The following CTNND2 variants were observed in gnomAD, a reference collection of about 807,000 sequenced individuals.
The protein encoded by CTNND2 is catenin delta-2.
Under a neutral mutation model 144.4 loss-of-function variants are expected in CTNND2, and 22 were observed. That is an observed-to-expected ratio of 0.15 (90% CI 0.11 to 0.22). CTNND2 has a LOEUF of 0.22. CTNND2 is among the 10% of genes least tolerant of loss of function. The pLI, the probability that CTNND2 is intolerant of heterozygous loss-of-function variation, is 1.00. For missense variants in CTNND2, 1,353 were observed against 1,618.8 expected (o/e 0.84, Z 2.82); for synonymous variants, 751 against 695.6 (o/e 1.08, Z -1.25).
chr5:11,435,448 C>G (rs1763686489), intron 3 of CTNND2, among the ~76,000 whole-genome samples: 2 of 152,038 alleles, frequency 1.3e-5, no homozygotes, highest in African/African-American at 4.8e-5. Flanking sequence ...CGCCGTTTGA[C>G]AAACGTTTTC....
intron 9 of CTNND2, among the ~76,000 whole-genome samples, chr5:11,260,465 T>A (rs774329955): frequency 3.9e-5 from 6 of 152,132 alleles, no homozygotes; most frequent in Non-Finnish European, 8.8e-5. Context: ...TTTTACAATA[T>A]CAAAATATTT....
intron 3 of CTNND2, among the ~76,000 whole-genome samples, chr5:11,482,235 C>A (rs1768345669): frequency 6.6e-6 from 1 of 152,072 alleles, no homozygotes; most frequent in African/African-American, 2.4e-5. Context: ...TCTGGCAGCT[C>A]CCCAGTCTGG....
chr5:11,519,872 C>T (rs1212114549), intron 3 of CTNND2, among the ~76,000 whole-genome samples: 1 of 151,906 alleles, frequency 6.6e-6, no homozygotes, highest in Non-Finnish European at 1.5e-5. Flanking sequence ...GGCATGGTGG[C>T]TCATGCCTAT....
intron 2 of CTNND2, among the ~76,000 whole-genome samples, chr5:11,634,352 G>A (rs952197631): frequency 1.1e-4 from 17 of 152,088 alleles, no homozygotes; most frequent in African/African-American, 3.1e-4. Context: ...ATTCTCTTGG[G>A]GATTCACAGT....
In CTNND2 at chr5:11,702,609, C is replaced by T. The variant is rs745570065; in HGVS notation, c.174+29527G>A. ...GAATTGCAAAGACAATTACAAGTCA[C>T]TGACTCCAAGCCACTCTCCAGCACA... On this transcript the variant is annotated intron_variant, in intron 2 of 21. Transcript: ENST00000304623. 2.9e-4 allele frequency among the ~76,000 whole-genome samples: 44 copies of T among 152,184 alleles called. 2 individuals are homozygous for T. Among genetic ancestry groups the T allele is most frequent in the Non-Finnish European group, 3.1e-4 (21 of 68,036 alleles).
intron 12 of CTNND2, among the ~76,000 whole-genome samples, chr5:11,128,592 C>T (rs1461700107): frequency 1.3e-5 from 2 of 148,580 alleles, no homozygotes; most frequent in Admixed American, 7.1e-5. Flanking sequence ...TTCTCAGCAC[C>T]GTCTCCGATG....
chr5:11,290,924 T>C (rs766604962), intron 9 of CTNND2, among the ~76,000 whole-genome samples: 2 of 152,232 alleles, frequency 1.3e-5, no homozygotes, highest in East Asian at 1.9e-4. Flanking sequence ...TGAAGTTTAA[T>C]TAAACCGTTG....
chr5:11,690,666 G>T (rs1458365663), intron 2 of CTNND2, among the ~76,000 whole-genome samples: 1 of 146,306 alleles, frequency 6.8e-6, no homozygotes, highest in Non-Finnish European at 1.5e-5. Context: ...AACCCGGGAA[G>T]TGGAGCTTGC....
intron 9 of CTNND2, among the ~76,000 whole-genome samples, chr5:11,239,362 C>T (rs1432619143): frequency 1.3e-5 from 2 of 152,200 alleles, no homozygotes; most frequent in Non-Finnish European, 2.9e-5. Flanking sequence ...ATCCACGTCC[C>T]TCACACTAGG....
intron 9 of CTNND2, among the ~76,000 whole-genome samples, chr5:11,284,302 A>G (rs1561150298): frequency 6.6e-6 from 1 of 152,046 alleles, no homozygotes; most frequent in Non-Finnish European, 1.5e-5. Context: ...CAGGGTACAG[A>G]TGCAGGTTTG....
intron 11 of CTNND2, among the ~76,000 whole-genome samples, chr5:11,164,894 A>G (rs1475006726): frequency 6.6e-6 from 1 of 152,212 alleles, no homozygotes; most frequent in Non-Finnish European, 1.5e-5. Flanking sequence ...AAATGAAAGC[A>G]GACACTTGTC....
Position 11,212,840 on chromosome 5 carries a change from A to G in CTNND2, c.1762-13179T>C, listed in dbSNP as rs536666317. Among the ~76,000 whole-genome samples the G allele has an allele frequency of 5.3e-3, 809 of 152,012 alleles. 5 individuals carry two copies. The highest frequency in any genetic ancestry group is 0.015 in the African/African-American group (628 of 41,354). ...AGGTAAGAGACAGGGAGCGTGGGGG[A>G]TGCTGGGAGGAGACTAGACTGGAGC... is the stretch of plus-strand genomic sequence containing the variant. On this transcript the variant is annotated intron_variant, in intron 10 of 21. Transcript: ENST00000304623.
At chr5:11,343,939 AT>A (rs1288826323) in intron 9 of CTNND2, among the ~76,000 whole-genome samples, 1 of 152,246 alleles carries the variant, frequency 6.6e-6, no homozygotes, top group African/African-American at 2.4e-5. Flanking sequence ...ATAATAAGCC[AT>A]AACGCCAAAA....
chr5:11,823,911 C>A (rs1490184499), intron 1 of CTNND2, among the ~76,000 whole-genome samples: 1 of 151,916 alleles, frequency 6.6e-6, no homozygotes, highest in Non-Finnish European at 1.5e-5. Context: ...AGTTTGAGAC[C>A]AGCCTGGCCA....
chr5:11,871,188 G>A (rs1735089390), intron 1 of CTNND2, among the ~76,000 whole-genome samples: 1 of 152,174 alleles, frequency 6.6e-6, no homozygotes, highest in South Asian at 2.1e-4. Flanking sequence ...ACTATGTGAA[G>A]TAAATTTCTG....
At chr5:11,283,476 C>A (rs999215614) in intron 9 of CTNND2, among the ~76,000 whole-genome samples, 1 of 151,764 alleles carries the variant, frequency 6.6e-6, no homozygotes, top group Non-Finnish European at 1.5e-5. Flanking sequence ...GAGTTTGAGA[C>A]CAGCCTGGCC....
chr5:11,863,441 G>A (rs1443546945), intron 1 of CTNND2, among the ~76,000 whole-genome samples: 1 of 152,148 alleles, frequency 6.6e-6, no homozygotes, highest in African/African-American at 2.4e-5. Context: ...TTTTTGATTG[G>A]TGTAAGCATT....
At chr5:11,729,958 A>G (rs1225001917) in intron 2 of CTNND2, among the ~76,000 whole-genome samples, 3 of 122,604 alleles carry the variant, frequency 2.4e-5, no homozygotes, top group African/African-American at 1.3e-4. Flanking sequence ...ATTTCTAAAC[A>G]TTCATTACTT....
chr5:11,694,458 A>C (rs1257629315), intron 2 of CTNND2, among the ~76,000 whole-genome samples: 2 of 152,030 alleles, frequency 1.3e-5, no homozygotes, highest in East Asian at 3.9e-4. Context: ...GAAAATGAAA[A>C]AAACAAAACC....
Sources: gnomAD v4.1 joint callset for allele counts (sites outside exome capture counted in the v4.1 genomes callset) on GRCh38, gnomAD v4.1.1 for gene constraint, MANE v1.5 for transcripts, NCBI Gene and HGNC (gene_info 2026-07-23, HGNC 2026-07-21) for gene names.